Variants in RASSF8 observed in about 807,000 individuals in gnomAD.
RASSF8 encodes Ras association domain family member 8, also known as ras association domain-containing protein 8.
Under a neutral mutation model 48.5 loss-of-function variants are expected in RASSF8, and 22 were observed. The ratio of observed to expected loss-of-function variants is 0.45; its 90% confidence interval spans 0.32 to 0.65. The LOEUF is 0.65. Among genes scored for constraint, RASSF8 ranks in the 30% least tolerant of loss-of-function variants. RASSF8 has a pLI of 0.03. For missense variants in RASSF8, 418 were observed against 489.2 expected, an observed-to-expected ratio of 0.85 and a Z score of 1.37; for synonymous variants, 127 against 171.5, an observed-to-expected ratio of 0.74 and a Z score of 2.03.
chr12:26,036,362 A>G (rs1460032192), intron 2 of RASSF8, among the ~76,000 whole-genome samples: 1 of 152,170 alleles, frequency 6.6e-6, no homozygotes, highest in East Asian at 1.9e-4. Context: ...TTGAACTGAA[A>G]AATTCTTACC....
At position 26,078,008 on chromosome 12, in the gene RASSF8, C is replaced by A. The variant is rs577848067; in HGVS notation, c.1139-1025C>A. Among the ~76,000 whole-genome samples the A allele has an allele frequency of 1.5e-3, 233 of 152,260 alleles. 3 individuals are homozygous for A. The highest frequency in any genetic ancestry group is 0.015 in the Admixed American group (232 of 15,302). On this transcript the variant is annotated intron_variant, in intron 5 of 5. Transcript: ENST00000381352. ...TGTTGAAGGCAGAGTTCTACAGAAG[C>A]ATAAGCAGGTGATAACTGAGTAAAT... is the stretch of plus-strand genomic sequence containing the variant.
downstream of RASSF8, among the ~76,000 whole-genome samples, chr12:26,075,401 A>G (rs957891424): frequency 2.0e-5 from 3 of 152,226 alleles, no homozygotes; most frequent in East Asian, 3.8e-4. Flanking sequence ...TCCTTTTTAT[A>G]GAGTGTTTTT....
intron 2 of RASSF8, among the ~76,000 whole-genome samples, chr12:26,016,525 T>A (rs539319741): frequency 6.6e-6 from 1 of 152,326 alleles, no homozygotes; most frequent in East Asian, 1.9e-4. Flanking sequence ...GATCTTTTTG[T>A]TGATATTGTT....
chr12:25,961,483 C>G (rs1258104224), intron 1 of RASSF8, among the ~76,000 whole-genome samples: 1 of 152,100 alleles, frequency 6.6e-6, no homozygotes. Flanking sequence ...CTTAAAAATT[C>G]AAAGTGTAGA....
chr12:25,990,703 G>GA (rs1325421835), intron 1 of RASSF8, among the ~76,000 whole-genome samples: 3 of 152,160 alleles, frequency 2.0e-5, no homozygotes, highest in Non-Finnish European at 2.9e-5. Flanking sequence ...ATGACAAGGT[G>GA]AAAAAACCAC....
chr12:25,991,969 T>A (rs1222179920), intron 1 of RASSF8, among the ~76,000 whole-genome samples: 1 of 152,238 alleles, frequency 6.6e-6, no homozygotes, highest in Admixed American at 6.5e-5. Flanking sequence ...CCAATTTTTA[T>A]CCTCTCCTTT....
chr12:25,974,485 T>C (rs1353376224), intron 1 of RASSF8, among the ~76,000 whole-genome samples: 1 of 131,398 alleles, frequency 7.6e-6, no homozygotes, highest in African/African-American at 2.9e-5. Context: ...ACAGGGACTT[T>C]TACTAAAATA....
intron 2 of RASSF8, among the ~76,000 whole-genome samples, chr12:26,040,124 T>C (rs1565631834): frequency 6.6e-6 from 1 of 152,260 alleles, no homozygotes; most frequent in African/African-American, 2.4e-5. Flanking sequence ...TTTTTAATAA[T>C]CTTTTTTTGC....
chr12:26,016,532 T>A (rs755552781), intron 2 of RASSF8, among the ~76,000 whole-genome samples: 2 of 152,194 alleles, frequency 1.3e-5, no homozygotes, highest in African/African-American at 2.4e-5. Context: ...TTGTTGATAT[T>A]GTTATCTACA....
intron 2 of RASSF8, among the ~76,000 whole-genome samples, chr12:26,005,573 C>T (rs1395453873): frequency 6.6e-6 from 1 of 152,128 alleles, no homozygotes; most frequent in East Asian, 1.9e-4. Context: ...TTTTTAAGCT[C>T]TACTAAGATA....
intron 1 of RASSF8, among the ~76,000 whole-genome samples, chr12:25,991,237 GC>G (rs1942007480): frequency 6.6e-6 from 1 of 151,464 alleles, no homozygotes; most frequent in African/African-American, 2.4e-5. Context: ...AATTTATTTT[GC>G]TCTTGAGTTA....
At chr12:26,032,125 C>T (rs1235077534) in intron 2 of RASSF8, among the ~76,000 whole-genome samples, 1 of 152,100 alleles carries the variant, frequency 6.6e-6, no homozygotes, top group Non-Finnish European at 1.5e-5. Context: ...ATTGAGCTTG[C>T]TTTTTTGAAA....
Position 26,012,979 on chromosome 12 carries a change from C to G in RASSF8, c.-109+17849C>G, listed in dbSNP as rs138347160. Among the ~76,000 whole-genome samples the G allele has an allele frequency of 3.4e-3, 517 of 152,242 alleles. 1 individual carries two copies. Among genetic ancestry groups the G allele is most frequent in the African/African-American group, 0.011 (451 of 41,548 alleles). ...GCATGAGCCACTGCACCTGGCCTCA[C>G]GTGAGTTTTAAGAGCTGTGCCAGTT... On this transcript the variant is annotated intron_variant, in intron 2 of 5. Transcript: ENST00000689635.
chr12:26,047,854 TG>T (rs1301283620), intron 2 of RASSF8, among the ~76,000 whole-genome samples: 3 of 152,118 alleles, frequency 2.0e-5, no homozygotes, highest in East Asian at 1.9e-4. Context: ...TTACTGACCC[TG>T]GGGGGTACAC....
chr12:26,075,128 G>A (rs1944060890), downstream of RASSF8, among the ~76,000 whole-genome samples: 1 of 152,046 alleles, frequency 6.6e-6, no homozygotes, highest in African/African-American at 2.4e-5. Flanking sequence ...TTTTTATTGG[G>A]CACCTTCTCT....
chr12:25,981,630 A>G lies in RASSF8; in HGVS notation c.-202-13407A>G, dbSNP rs541188547. Among the ~76,000 whole-genome samples the G allele has an allele frequency of 2.6e-5, 4 of 152,354 alleles. No individual in the cohort carries two copies. The East Asian group carries it at 7.7e-4, about 29-fold the overall frequency. ...TGTATGGTCACCCTGCATAATGTTA[A>G]TATGATTTGTAGTTGCTGGTCCCTT... On this transcript the variant is annotated intron_variant, in intron 1 of 5. Coordinates refer to ENST00000689635, the MANE Select transcript of RASSF8 (RefSeq NM_001394098.1).
At chr12:26,050,238 G>A (rs1237807004) in intron 2 of RASSF8, among the ~76,000 whole-genome samples, 1 of 152,000 alleles carries the variant, frequency 6.6e-6, no homozygotes, top group South Asian at 2.1e-4. Flanking sequence ...GCTGCTCTAG[G>A]TATGTGGATT....
chr12:26,062,208 A>G (rs1464532342), intron 3 of RASSF8, among the ~76,000 whole-genome samples: 1 of 152,232 alleles, frequency 6.6e-6, no homozygotes, highest in African/African-American at 2.4e-5. Flanking sequence ...GCATAGTGCT[A>G]TGACCTTTGA....
At chr12:26,047,266 C>T (rs1943392006) in intron 2 of RASSF8, among the ~76,000 whole-genome samples, 1 of 152,080 alleles carries the variant, frequency 6.6e-6, no homozygotes, top group Non-Finnish European at 1.5e-5. Flanking sequence ...CCAGGAAGGT[C>T]AAATTGTAAG....
Sources: allele counts gnomAD v4.1 joint callset (sites outside exome capture counted in the v4.1 genomes callset), GRCh38; gene constraint gnomAD v4.1.1; transcripts MANE v1.5; gene names NCBI Gene and HGNC (gene_info 2026-07-23, HGNC 2026-07-21).